Variants in FANCA observed in about 807,000 individuals in gnomAD.
FANCA encodes the protein FA complementation group A.
Under a neutral mutation model 194.3 loss-of-function variants are expected in FANCA, and 236 were observed. That is an observed-to-expected ratio of 1.21 (90% CI 1.09 to 1.35). The LOEUF (loss-of-function observed/expected upper bound fraction) is 1.35, where lower values mean the gene tolerates loss of function less well. Among genes scored for constraint, FANCA ranks in the 40% most tolerant of loss-of-function variants. FANCA has a pLI of 0.00. For missense variants in FANCA, 2,628 were observed against 1,813.9 expected (o/e 1.45, Z -8.15); for synonymous variants, 1,014 against 715.8 (o/e 1.42, Z -6.65).
intron 29 of FANCA, among the ~76,000 whole-genome samples, chr16:89,761,374 G>A (rs544454740): frequency 9.4e-4 from 139 of 148,606 alleles, no homozygotes; most frequent in African/African-American, 2.1e-3. Context: ...AGCCGAGATC[G>A]CGCCACTGCA....
chr16:89,804,875 T>C (rs1425565622), intron 7 of FANCA, among the ~76,000 whole-genome samples: 5 of 150,788 alleles, frequency 3.3e-5, no homozygotes, highest in Non-Finnish European at 4.4e-5. Context: ...CTACTAAAAA[T>C]ACAAAAAAAA....
Position 89,765,054 on chromosome 16 carries a change from T to C in FANCA, c.2614A>G (p.Met872Val). ...PGLIKKFQFL[M>V]FRLFSEARQP... ...CGGGCCTCTGAGAACAATCTGAACA[T>C]GAGGAACTGAAACTGAAACAGAGAG... The change falls in exon 28 of 43, where the codon ATG becomes GTG. Residue 872 changes from methionine to valine, a missense_variant. Transcript: ENST00000389301. 6.2e-7 allele frequency: 1 copy of C among 1,614,156 alleles called. No homozygotes were observed. The highest frequency in any genetic ancestry group is 8.5e-7 in the Non-Finnish European group (1 of 1,179,996).
chr16:89,793,000 C>A (rs1346724714), intron 11 of FANCA, among the ~76,000 whole-genome samples: 1 of 152,124 alleles, frequency 6.6e-6, no homozygotes, highest in African/African-American at 2.4e-5. Flanking sequence ...GAAGGCAGAG[C>A]CAGGTGTACA....
In FANCA at chr16:89,738,557, A is replaced by T. The variant is rs1325302475; in HGVS notation, c.*44T>A. The T allele has an allele frequency of 6.2e-7, 1 of 1,612,284 alleles. No homozygotes were observed. The highest frequency in any genetic ancestry group is 1.7e-5 in the Admixed American group (1 of 60,028). ...GAGCTCCATGTTATGCTTGTAATAA[A>T]TTATTTACACGGGAGCTGGGCTGGT... On this transcript the variant is annotated 3_prime_UTR_variant, in exon 43 of 43. Transcript: ENST00000389301.
At chr16:89,799,909 G>A (rs929266352) in intron 8 of FANCA, among the ~76,000 whole-genome samples, 5 of 152,204 alleles carry the variant, frequency 3.3e-5, no homozygotes, top group Admixed American at 2.0e-4. Context: ...CAGGAGAATG[G>A]CGTGAACCCG....
chr16:89,796,742 G>T (rs921147238), intron 10 of FANCA, among the ~76,000 whole-genome samples: 1 of 152,210 alleles, frequency 6.6e-6, no homozygotes, highest in African/African-American at 2.4e-5. Flanking sequence ...CAAGGGTCCA[G>T]CCGGGCACGG....
intron 33 of FANCA, among the ~76,000 whole-genome samples, chr16:89,747,719 T>A (rs578253485): frequency 1.6e-4 from 25 of 151,778 alleles, no homozygotes; most frequent in Admixed American, 2.6e-4. Context: ...AATAAATAAA[T>A]AAATAAATAA....
intron 11 of FANCA, among the ~76,000 whole-genome samples, chr16:89,794,496 A>G (rs889107087): frequency 6.6e-6 from 1 of 152,144 alleles, no homozygotes; most frequent in African/African-American, 2.4e-5. Flanking sequence ...AGATCGCACC[A>G]CCACACTCCA....
chr16:89,766,976 T>C (rs926348741), intron 27 of FANCA, among the ~76,000 whole-genome samples, 165 bp downstream of exon 27: 1 of 151,748 alleles, frequency 6.6e-6, no homozygotes, highest in African/African-American at 2.4e-5. Context: ...GAGGTGGCCA[T>C]GACAGCCAGC....
intron 14 of FANCA, among the ~76,000 whole-genome samples, chr16:89,787,740 AAAAC>A (rs1454225726): frequency 6.6e-6 from 1 of 152,104 alleles, no homozygotes; most frequent in Non-Finnish European, 1.5e-5. Context: ...TTGCCTCAAA[AAAAC>A]AAACAAAAAA....
intron 14 of FANCA, among the ~76,000 whole-genome samples, chr16:89,790,879 G>C (rs986780185): frequency 6.6e-6 from 1 of 151,768 alleles, no homozygotes; most frequent in Non-Finnish European, 1.5e-5. Context: ...ACCCAGGCTG[G>C]CGTACAGTGG....
intron 14 of FANCA, among the ~76,000 whole-genome samples, chr16:89,788,973 A>G (rs2039981868): frequency 6.6e-6 from 1 of 151,978 alleles, no homozygotes; most frequent in African/African-American, 2.4e-5. Flanking sequence ...TCCTCTCCCA[A>G]CTGTCGCCTC....
At chr16:89,771,315 C>G (rs1184525459) in intron 23 of FANCA, among the ~76,000 whole-genome samples, 2 of 151,800 alleles carry the variant, frequency 1.3e-5, no homozygotes, top group Non-Finnish European at 2.9e-5. Context: ...AGAAATTAGC[C>G]GGGTGTGGTG....
intron 21 of FANCA, among the ~76,000 whole-genome samples, chr16:89,775,131 T>A (rs1175831224): frequency 6.6e-6 from 1 of 151,042 alleles, no homozygotes; most frequent in Non-Finnish European, 1.5e-5. Flanking sequence ...CTCAGATCTA[T>A]GTCTTCAGCT....
At chr16:89,740,359 G>C (rs1281457280) in intron 38 of FANCA, 3 of 529,732 alleles carry the variant, frequency 5.7e-6, no homozygotes, top group Non-Finnish European at 1.0e-5. Flanking sequence ...AGGCCCACAG[G>C]CCGGATGCAG....
intron 8 of FANCA, among the ~76,000 whole-genome samples, chr16:89,800,014 G>T (rs1196326033): frequency 1.3e-5 from 2 of 152,126 alleles, no homozygotes; most frequent in Non-Finnish European, 2.9e-5. Flanking sequence ...AAAAGAAATG[G>T]ACTTTACAAA....
chr16:89,789,238 C>A (rs925309406), intron 14 of FANCA, among the ~76,000 whole-genome samples: 1 of 151,576 alleles, frequency 6.6e-6, no homozygotes, highest in Admixed American at 6.6e-5. Context: ...CTGCACCAGT[C>A]ACCACCTTCT....
At chr16:89,774,919 C>T (rs903517575) in intron 21 of FANCA, among the ~76,000 whole-genome samples, 12 of 151,630 alleles carry the variant, frequency 7.9e-5, no homozygotes, top group African/African-American at 2.7e-4. Flanking sequence ...CATGGCGAAA[C>T]CCCATCTCTA....
In FANCA at chr16:89,795,968, G is replaced by C. The variant is rs764121307; in HGVS notation, c.944C>G (p.Pro315Arg). 2.4e-5 allele frequency: 39 copies of C among 1,614,072 alleles called. No individual in the cohort carries two copies. The highest frequency in any genetic ancestry group is 1.6e-4 in the Middle Eastern group (1 of 6,082). ...HTLGSVISTDPLKRFFSHTLT... is the reference protein window; with the variant it reads ...HTLGSVISTDRLKRFFSHTLT... ...GGTATGACTGAAGAACCTCTTCAGA[G>C]GATCTGTGGAAATTACACTGCCAAG... is the stretch of plus-strand genomic sequence containing the variant. The change falls in exon 11 of 43, where the codon CCT becomes CGT. Residue 315 changes from proline (P) to arginine (R), a missense_variant. Pro to Arg is a moderately radical substitution (Grantham distance 103). Coordinates refer to ENST00000389301, the MANE Select transcript of FANCA (RefSeq NM_000135.4).
Sources: allele counts gnomAD v4.1 joint callset (sites outside exome capture counted in the v4.1 genomes callset), GRCh38; gene constraint gnomAD v4.1.1; transcripts MANE v1.5; gene names NCBI Gene and HGNC (gene_info 2026-07-23, HGNC 2026-07-21).